Variants in IGF1R observed in about 807,000 individuals in gnomAD.
IGF1R encodes the protein insulin-like growth factor 1 receptor.
IGF1R carries 44 observed loss-of-function variants against 144.6 expected under a neutral mutation model. That is an observed-to-expected ratio of 0.30 (90% CI 0.24 to 0.39). IGF1R has a LOEUF of 0.39. Among genes scored for constraint, IGF1R ranks in the 10% least tolerant of loss-of-function variants. IGF1R has a pLI of 1.00. For missense variants in IGF1R, 1,355 were observed against 1,833.7 expected (o/e 0.74, Z 4.77); for synonymous variants, 795 against 722.8 (o/e 1.10, Z -1.60).
At chr15:98,886,926 G>C (rs536026689) in intron 2 of IGF1R, among the ~76,000 whole-genome samples, 5 of 152,248 alleles carry the variant, frequency 3.3e-5, no homozygotes, top group Non-Finnish European at 7.3e-5. Flanking sequence ...CTGCAGCAAT[G>C]CTTATTTATG....
intron 2 of IGF1R, among the ~76,000 whole-genome samples, chr15:98,845,007 C>G (rs888865034): frequency 6.6e-6 from 1 of 152,170 alleles, no homozygotes; most frequent in Non-Finnish European, 1.5e-5. Flanking sequence ...CAGGCACCCT[C>G]TCCACACACA....
At chr15:98,833,715 A>G (rs1315465846) in intron 2 of IGF1R, among the ~76,000 whole-genome samples, 1 of 152,232 alleles carries the variant, frequency 6.6e-6, no homozygotes, top group African/African-American at 2.4e-5. Context: ...TTCATTTTGC[A>G]TGTTTTTGAC....
At chr15:98,650,097 G>T (rs1240361431) in intron 1 of IGF1R, among the ~76,000 whole-genome samples, 1 of 152,098 alleles carries the variant, frequency 6.6e-6, no homozygotes, top group East Asian at 1.9e-4. Context: ...AGGCAGCAGC[G>T]ACAGCACCCT....
intron 19 of IGF1R, among the ~76,000 whole-genome samples, chr15:98,945,957 C>T (rs1567215731): frequency 6.6e-6 from 1 of 151,690 alleles, no homozygotes; most frequent in Non-Finnish European, 1.5e-5. Flanking sequence ...TGTATCGTTG[C>T]CTGTGGGTGA....
At chr15:98,907,506 A>G (rs1341772712) in intron 5 of IGF1R, among the ~76,000 whole-genome samples, 2 of 152,218 alleles carry the variant, frequency 1.3e-5, no homozygotes, top group Non-Finnish European at 2.9e-5. Context: ...AAAGTACTGC[A>G]CTGATTCCCA....
intron 1 of IGF1R, among the ~76,000 whole-genome samples, chr15:98,696,059 C>G (rs530667090): frequency 6.9e-6 from 1 of 144,854 alleles, no homozygotes; most frequent in African/African-American, 2.6e-5. Context: ...GCCACAACAT[C>G]ACATCGTCAC....
At chr15:98,851,558 TGGACTCTGGCTCA>T (rs546488835) in intron 2 of IGF1R, among the ~76,000 whole-genome samples, 144 of 152,274 alleles carry the variant, frequency 9.5e-4, no homozygotes, top group African/African-American at 3.3e-3. Context: ...AAAGAATCTC[TGGACTCTGGCTCA>T]GGACCTCTGA....
intron 1 of IGF1R, among the ~76,000 whole-genome samples, chr15:98,666,574 G>A (rs929350917): frequency 3.9e-5 from 6 of 152,188 alleles, no homozygotes; most frequent in Non-Finnish European, 8.8e-5. Flanking sequence ...GAAATTCTAT[G>A]ATGTGCTACA....
intron 2 of IGF1R, among the ~76,000 whole-genome samples, chr15:98,735,848 A>G (rs986334882): frequency 3.9e-5 from 6 of 152,236 alleles, no homozygotes; most frequent in East Asian, 3.8e-4. Context: ...TCTAGAAGCC[A>G]TGTACTGCTT....
intron 17 of IGF1R, 38 bp from the exon 18 acceptor site, chr15:98,939,163 C>T (rs755144308): frequency 6.3e-7 from 1 of 1,585,946 alleles, no homozygotes; most frequent in African/African-American, 1.3e-5. Flanking sequence ...AAAAAAAAAT[C>T]CAAAATTCTC....
intron 15 of IGF1R, among the ~76,000 whole-genome samples, chr15:98,931,062 C>T (rs1003362892): frequency 1.3e-5 from 2 of 152,064 alleles, no homozygotes; most frequent in African/African-American, 4.8e-5. Flanking sequence ...CTGCAATGTG[C>T]GTTTTCTTAA....
Position 98,957,407 on chromosome 15 carries a change from C to T in IGF1R, c.4069C>T (p.Arg1357Trp), listed in dbSNP as rs143940675. ...CATGAACGGGGGCCGCAAGAACGAG[C>T]GGGCCTTGCCGCTGCCCCAGTCTTC... ...AHMNGGRKNE[R>W]ALPLPQSSTC Residue 1357 changes from arginine (R) to tryptophan (W), a missense_variant, in exon 21 of 21, where the codon CGG (arginine) becomes TGG (tryptophan). Around this residue, in one of 7 missense-constraint regions of IGF1R, gnomAD observed 219 missense variants for 188.8 expected, o/e 1.16. Transcript: ENST00000650285. The T allele has an allele frequency of 1.3e-4, 216 of 1,613,256 alleles. 1 individual carries two copies. The highest frequency in any genetic ancestry group is 7.3e-4 in the Admixed American group (44 of 60,036).
intron 2 of IGF1R, among the ~76,000 whole-genome samples, chr15:98,723,472 A>G (rs2054289657): frequency 6.6e-6 from 1 of 152,242 alleles, no homozygotes; most frequent in Admixed American, 6.5e-5. Flanking sequence ...AGAGGGAAAT[A>G]TTAAATTGAT....
chr15:98,861,946 C>T (rs1031647983), intron 2 of IGF1R, among the ~76,000 whole-genome samples: 1 of 152,190 alleles, frequency 6.6e-6, no homozygotes, highest in African/African-American at 2.4e-5. Flanking sequence ...TCACTTTTGG[C>T]CTCAATTTTT....
At chr15:98,752,929 ACTATTTT>A (rs1459632306) in intron 2 of IGF1R, among the ~76,000 whole-genome samples, 4 of 37,942 alleles carry the variant, frequency 1.1e-4, no homozygotes, top group African/African-American at 2.9e-4. Flanking sequence ...GGAAAATCAT[ACTATTTT>A]TTTTTTTTTT....
chr15:98,829,414 G>C (rs2056961294), intron 2 of IGF1R, among the ~76,000 whole-genome samples: 1 of 151,992 alleles, frequency 6.6e-6, no homozygotes, highest in African/African-American at 2.4e-5. Context: ...CCTCTATCCG[G>C]GTGTTATACA....
chr15:98,651,439 T>TG (rs935667272), intron 1 of IGF1R, among the ~76,000 whole-genome samples: 4 of 152,244 alleles, frequency 2.6e-5, no homozygotes, highest in Admixed American at 2.0e-4. Flanking sequence ...AGGTGGTGGC[T>TG]GGGGGGACAA....
intron 2 of IGF1R, among the ~76,000 whole-genome samples, chr15:98,741,198 C>T (rs2054731985): frequency 7.0e-6 from 1 of 143,254 alleles, no homozygotes; most frequent in Non-Finnish European, 1.5e-5. Context: ...GTCTCCATTG[C>T]AGTTCTGTTG....
Position 98,916,877 on chromosome 15 carries a change from G to C in IGF1R, c.2201+1G>C. On this transcript the variant is annotated splice_donor_variant, in intron 10 of 20. Coordinates refer to ENST00000650285, the MANE Select transcript of IGF1R (RefSeq NM_000875.5). LOFTEE classifies it high-confidence loss of function. ...TGCACAACTCCATCTTCGTGCCCAGGTACCCAGCTCATGTGAAATTTCAGT... is the reference window on the plus strand; with the variant it reads ...TGCACAACTCCATCTTCGTGCCCAGCTACCCAGCTCATGTGAAATTTCAGT... The C allele has an allele frequency of 6.2e-7, 1 of 1,613,828 alleles. No homozygotes were observed. Among genetic ancestry groups the C allele is most frequent in the Non-Finnish European group, 8.5e-7 (1 of 1,179,768 alleles).
Sources: allele counts gnomAD v4.1 joint callset (sites outside exome capture counted in the v4.1 genomes callset), GRCh38; gene constraint gnomAD v4.1.1; regional missense constraint gnomAD v4.1.1; transcripts MANE v1.5; gene names NCBI Gene and HGNC (gene_info 2026-07-23, HGNC 2026-07-21).